RBFOX1: variants seen among roughly 807,000 people sequenced by gnomAD.
RBFOX1 encodes RNA binding protein fox-1 homolog 1.
RBFOX1 carries 8 observed loss-of-function variants against 57.7 expected under a neutral mutation model. The ratio of observed to expected loss-of-function variants is 0.14; its 90% confidence interval spans 0.08 to 0.25. RBFOX1 has a LOEUF of 0.25. RBFOX1 is among the 10% of genes least tolerant of loss of function. The pLI is 1.00. For missense variants in RBFOX1, 611 were observed against 548.5 expected, an observed-to-expected ratio of 1.11 and a Z score of -1.14; for synonymous variants, 326 against 222.4, an observed-to-expected ratio of 1.47 and a Z score of -4.15.
chr16:6,060,134 T>G (rs1355112642), intron 1 of RBFOX1, among the ~76,000 whole-genome samples: 6 of 21,144 alleles, frequency 2.8e-4, no homozygotes, highest in South Asian at 1.3e-3. Context: ...TTTTTTTTTT[T>G]TTTTTTTTTT....
At chr16:7,529,219 C>G (rs758153673) in intron 5 of RBFOX1, among the ~76,000 whole-genome samples, 3 of 152,156 alleles carry the variant, frequency 2.0e-5, no homozygotes, top group Non-Finnish European at 4.4e-5. Flanking sequence ...TGAGATCATG[C>G]CACCACACTC....
chr16:6,924,128 C>G (rs1041593030), intron 3 of RBFOX1, among the ~76,000 whole-genome samples: 3 of 151,866 alleles, frequency 2.0e-5, no homozygotes, highest in Non-Finnish European at 4.4e-5. Context: ...GAGATTGTAC[C>G]ACTGCACTCC....
intron 1 of RBFOX1, among the ~76,000 whole-genome samples, chr16:6,133,626 C>A (rs932805195): frequency 1.3e-5 from 2 of 152,172 alleles, no homozygotes; most frequent in African/African-American, 4.8e-5. Context: ...TACCTAAAAC[C>A]CTTTGGTGGC....
chr16:7,551,329 A>G (rs544116942), intron 5 of RBFOX1, among the ~76,000 whole-genome samples: 1 of 152,268 alleles, frequency 6.6e-6, no homozygotes, highest in South Asian at 2.1e-4. Context: ...AGACAGCATG[A>G]GGCATCCACA....
Position 7,153,626 on chromosome 16 carries a change from T to C in RBFOX1, c.27+101528T>C, listed in dbSNP as rs115743010. ...ATGGTGGTGGGGGGAGGGGGGCGCC[T>C]ATAATTCCAGCTACTTGGGAGGCTG... On this transcript the variant is annotated intron_variant, in intron 4 of 15. Coordinates refer to ENST00000550418, the MANE Select transcript of RBFOX1 (RefSeq NM_018723.4). Among the ~76,000 whole-genome samples, 1,116 of 150,836 alleles carry C rather than the reference T, an allele frequency of 7.4e-3. 17 individuals are homozygous for C. The highest frequency in any genetic ancestry group is 0.026 in the African/African-American group (1,053 of 40,986).
intron 3 of RBFOX1, among the ~76,000 whole-genome samples, chr16:6,936,094 G>A (rs1397836313): frequency 6.6e-6 from 1 of 152,194 alleles, no homozygotes; most frequent in Non-Finnish European, 1.5e-5. Context: ...CCTTAGATCT[G>A]AGGTTCACTT....
intron 3 of RBFOX1, among the ~76,000 whole-genome samples, chr16:6,862,794 G>A (rs2059243690): frequency 6.6e-6 from 1 of 152,074 alleles, no homozygotes; most frequent in South Asian, 2.1e-4. Flanking sequence ...AGATCAGCCT[G>A]GCCAAAATGG....
At chr16:5,807,425 T>C (rs1330055655) in intron 3 of RBFOX1, among the ~76,000 whole-genome samples, 1 of 152,188 alleles carries the variant, frequency 6.6e-6, no homozygotes, top group Non-Finnish European at 1.5e-5. Flanking sequence ...AGCTGCTGTC[T>C]GACTGCTGCA....
chr16:6,806,512 C>G (rs1413726579), intron 3 of RBFOX1, among the ~76,000 whole-genome samples: 1 of 151,914 alleles, frequency 6.6e-6, no homozygotes, highest in African/African-American at 2.4e-5. Flanking sequence ...TAAATAAAAG[C>G]ATTTGAATGA....
Position 7,477,443 on chromosome 16 carries a change from G to T in RBFOX1, c.28-40704G>T, listed in dbSNP as rs72773011. Among the ~76,000 whole-genome samples, 694 of 152,244 alleles carry T rather than the reference G, an allele frequency of 4.6e-3. 4 individuals carry two copies. Among genetic ancestry groups the T allele is most frequent in the Middle Eastern group, 0.01 (3 of 294 alleles). On this transcript the variant is annotated intron_variant, in intron 4 of 15. Coordinates refer to ENST00000550418, the MANE Select transcript of RBFOX1 (RefSeq NM_018723.4). ...TGGTTGTGCATCTGGTTTTACATCA[G>T]CATTAATTCCGATATTTCAACAGCC...
chr16:5,429,979 G>A (rs1436279922), intron 1 of RBFOX1, among the ~76,000 whole-genome samples: 1 of 152,182 alleles, frequency 6.6e-6, no homozygotes, highest in Admixed American at 6.5e-5. Flanking sequence ...ATCACTGAAG[G>A]AGGCAGAGAG....
intron 5 of RBFOX1, among the ~76,000 whole-genome samples, chr16:7,531,933 C>T (rs919478492): frequency 6.6e-6 from 1 of 152,010 alleles, no homozygotes; most frequent in Admixed American, 6.6e-5. Flanking sequence ...TCCAGTGGCC[C>T]CATAGAGTGA....
intron 5 of RBFOX1, among the ~76,000 whole-genome samples, chr16:7,540,224 T>G (rs1161676469): frequency 1.3e-5 from 2 of 152,216 alleles, no homozygotes; most frequent in Non-Finnish European, 2.9e-5. Context: ...CCTGTACCAT[T>G]TTGTTTTCTC....
intron 2 of RBFOX1, among the ~76,000 whole-genome samples, chr16:5,571,538 C>G (rs7187170): frequency 0.029 from 4,341 of 151,944 alleles, 207 homozygotes; most frequent in African/African-American, 0.099. Context: ...AAGGCTGTAC[C>G]ATCAAACAAC....
exon 3 of RBFOX1, chr16:5,599,072 T>A (rs1370156771): frequency 2.0e-6 from 2 of 991,920 alleles, no homozygotes; most frequent in South Asian, 2.7e-5. Flanking sequence ...TACCTGAAAC[T>A]GATCTTGCTG....
At position 5,733,383 on chromosome 16, in the gene RBFOX1, A is replaced by G. The variant is rs149750849; in HGVS notation, c.319-133920A>G. Among the ~76,000 whole-genome samples, 607 of 152,244 alleles carry G rather than the reference A, an allele frequency of 4.0e-3. 24 individuals carry two copies. The East Asian group carries it at 0.11, about 26-fold the overall frequency. On this transcript the variant is annotated intron_variant, in intron 3 of 19. Transcript: ENST00000641259. ...AAGGCCACTGGGGAAGCAACTTACC[A>G]TGATTCACATTGCCAGGTGATCCGA...
At position 5,750,166 on chromosome 16, in the gene RBFOX1, G is replaced by A. The variant is rs558763099; in HGVS notation, c.319-117137G>A. ...TGTTTGCCTGGGTATCAGCAGCAGA[G>A]GCTGCAGAACAGCGAATATTTCTGA... On this transcript the variant is annotated intron_variant, in intron 3 of 19. Transcript: ENST00000641259. Among the ~76,000 whole-genome samples the A allele has an allele frequency of 7.9e-5, 12 of 152,310 alleles. No homozygotes were observed. The South Asian group carries it at 1.9e-3, about 24-fold the overall frequency.
At chr16:6,825,114 A>G (rs751167292) in intron 3 of RBFOX1, among the ~76,000 whole-genome samples, 17 of 148,156 alleles carry the variant, frequency 1.1e-4, no homozygotes, top group African/African-American at 4.2e-4. Context: ...CTCCTGCCTC[A>G]GCCTCCCAAG....
intron 3 of RBFOX1, among the ~76,000 whole-genome samples, chr16:6,812,899 G>C (rs2089104694): frequency 6.6e-6 from 1 of 152,190 alleles, no homozygotes. Flanking sequence ...ATGTCAGAGT[G>C]ACGATGTTTC....
Sources: gnomAD v4.1 joint callset for allele counts (sites outside exome capture counted in the v4.1 genomes callset) on GRCh38, gnomAD v4.1.1 for gene constraint, MANE v1.5 for transcripts, NCBI Gene and HGNC (gene_info 2026-07-23, HGNC 2026-07-21) for gene names.